Variants in UBE2U observed in about 807,000 individuals in gnomAD.
The protein encoded by UBE2U is ubiquitin-conjugating enzyme E2 U.
Under a neutral mutation model 41.2 loss-of-function variants are expected in UBE2U, and 39 were observed. The observed-to-expected ratio is 0.95, with a 90% CI of 0.73 to 1.24. The LOEUF is 1.24. UBE2U is among the 50% of genes most tolerant of loss of function. The pLI, the probability that UBE2U is intolerant of heterozygous loss-of-function variation, is 0.00. For missense variants in UBE2U, 336 were observed against 363.1 expected (o/e 0.93, Z 0.61); for synonymous variants, 107 against 117.8 (o/e 0.91, Z 0.60).
chr1:64,215,958 A>G (rs764796746), intron 5 of UBE2U, among the ~76,000 whole-genome samples: 4 of 152,214 alleles, frequency 2.6e-5, no homozygotes, highest in Non-Finnish European at 5.9e-5. Flanking sequence ...TTCTGGTAGC[A>G]CACAGCAACC....
At chr1:64,208,356 C>T (rs1263508899) in intron 3 of UBE2U, among the ~76,000 whole-genome samples, 1 of 151,942 alleles carries the variant, frequency 6.6e-6, no homozygotes, top group Admixed American at 6.6e-5. Flanking sequence ...CCTGTTATCC[C>T]AGTACTTTGG....
intron 4 of UBE2U, 152 bp from the exon 5 acceptor site, chr1:64,214,663 A>C (rs1651870847): frequency 8.1e-6 from 5 of 617,426 alleles, no homozygotes; most frequent in Non-Finnish European, 1.4e-5. Flanking sequence ...GAGAGTACAG[A>C]CTATGTCTCA....
chr1:64,235,865 A>T (rs1644657881), intron 7 of UBE2U, among the ~76,000 whole-genome samples: 1 of 152,168 alleles, frequency 6.6e-6, no homozygotes, highest in Non-Finnish European at 1.5e-5. Context: ...AACATTATTA[A>T]GCACCTAATA....
intron 7 of UBE2U, among the ~76,000 whole-genome samples, chr1:64,238,838 T>C (rs559067539): frequency 1.8e-4 from 28 of 151,930 alleles, no homozygotes; most frequent in Admixed American, 5.9e-4. Flanking sequence ...GCCCAGGAAT[T>C]TGAGATCACC....
intron 4 of UBE2U, among the ~76,000 whole-genome samples, chr1:64,214,437 T>C (rs1557705350): frequency 1.3e-5 from 2 of 152,236 alleles, no homozygotes; most frequent in Non-Finnish European, 2.9e-5. Flanking sequence ...ATTATCACAC[T>C]GTTATTCAAG....
intron 7 of UBE2U, among the ~76,000 whole-genome samples, chr1:64,237,841 A>T (rs1002559744): frequency 1.3e-5 from 2 of 152,240 alleles, no homozygotes; most frequent in Admixed American, 1.3e-4. Flanking sequence ...TTGGGGTTTC[A>T]TAATATATAA....
intron 8 of UBE2U, among the ~76,000 whole-genome samples, chr1:64,242,502 C>T (rs1161966781): frequency 6.6e-6 from 1 of 152,118 alleles, no homozygotes; most frequent in African/African-American, 2.4e-5. Flanking sequence ...TTACTGTTAA[C>T]CAAGTGCCCT....
chr1:64,239,161 A>AAGAAGAAGAAGAAGG (rs1644773711), intron 7 of UBE2U, among the ~76,000 whole-genome samples: 1 of 81,728 alleles, frequency 1.2e-5, no homozygotes, highest in South Asian at 5.2e-4. Flanking sequence ...AAGAAGAAAG[A>AAGAAGAAGAAGAAGG]AGAAGAAGAA....
At chr1:64,248,122 A>AT (rs939786832) in intron 8 of UBE2U, among the ~76,000 whole-genome samples, 4 of 151,904 alleles carry the variant, frequency 2.6e-5, no homozygotes, top group South Asian at 2.1e-4. Context: ...AATACATATG[A>AT]TTTTTTTTCC....
chr1:64,241,600 C>A (rs1049940423), intron 7 of UBE2U, 52 bp from the exon 8 acceptor site: 45 of 1,291,244 alleles, frequency 3.5e-5, no homozygotes, highest in Non-Finnish European at 4.5e-5. Context: ...TAACTATTAA[C>A]TATTATTAAA....
chr1:64,246,135 T>C (rs1306587943), intron 8 of UBE2U, among the ~76,000 whole-genome samples: 1 of 150,968 alleles, frequency 6.6e-6, no homozygotes, highest in Non-Finnish European at 1.5e-5. Context: ...TAGTTCTTTT[T>C]TTTCTTATAT....
At chr1:64,266,903 G>C in intron 9 of UBE2U, 121 bp from the exon 10 acceptor site, 1 of 818,914 alleles carries the variant, frequency 1.2e-6, no homozygotes, top group African/African-American at 1.8e-5. Context: ...GTGTATAAAA[G>C]GTTGCTCACA....
chr1:64,256,362 C>G (rs1645090993), intron 8 of UBE2U, among the ~76,000 whole-genome samples: 1 of 152,148 alleles, frequency 6.6e-6, no homozygotes, highest in South Asian at 2.1e-4. Flanking sequence ...TACCCAACTT[C>G]AAACTACACT....
chr1:64,221,839 C>T (rs1165887660), intron 6 of UBE2U, among the ~76,000 whole-genome samples: 1 of 152,150 alleles, frequency 6.6e-6, no homozygotes, highest in Non-Finnish European at 1.5e-5. Context: ...GTAATCCCAG[C>T]ACTTTGGGAG....
At chr1:64,214,120 T>C (rs1651829256) in intron 4 of UBE2U, among the ~76,000 whole-genome samples, 2 of 152,216 alleles carry the variant, frequency 1.3e-5, no homozygotes, top group African/African-American at 4.8e-5. Context: ...CATATGGTTA[T>C]AATCAATATT....
intron 7 of UBE2U, among the ~76,000 whole-genome samples, chr1:64,239,133 AAGAAGAAGAAGAAGAAGAAGAAG>A (rs1644756836): frequency 8.0e-5 from 2 of 25,032 alleles, no homozygotes; most frequent in African/African-American, 3.8e-4. Flanking sequence ...GAAGAAGAAG[AAGAAGAAGAAGAAGAAGAAGAAG>A]AAAGAAGAAG....
intron 9 of UBE2U, among the ~76,000 whole-genome samples, chr1:64,264,600 C>A (rs564155620): frequency 2.0e-5 from 3 of 152,256 alleles, no homozygotes; most frequent in African/African-American, 7.2e-5. Flanking sequence ...AACTTTCATT[C>A]CACGCCAGCA....
At chr1:64,241,523 C>A in intron 7 of UBE2U, 129 bp from the exon 8 acceptor site, 2 of 595,374 alleles carry the variant, frequency 3.4e-6, no homozygotes, top group African/African-American at 1.9e-5. Flanking sequence ...TGTAATATGA[C>A]TTGAATTATA....
intron 3 of UBE2U, among the ~76,000 whole-genome samples, chr1:64,209,899 G>T (rs1651561467): frequency 6.6e-6 from 1 of 152,088 alleles, no homozygotes; most frequent in Non-Finnish European, 1.5e-5. Flanking sequence ...TTGAATACTT[G>T]AGAAGTAAAC....
Sources: gnomAD v4.1 joint callset for allele counts (sites outside exome capture counted in the v4.1 genomes callset) on GRCh38, gnomAD v4.1.1 for gene constraint, MANE v1.5 for transcripts, NCBI Gene and HGNC (gene_info 2026-07-23, HGNC 2026-07-21) for gene names.